The following CPVL variants were observed in gnomAD, a reference collection of about 807,000 sequenced individuals.
The protein encoded by CPVL is probable serine carboxypeptidase CPVL.
Under a neutral mutation model 63.7 loss-of-function variants are expected in CPVL, and 51 were observed. That is an observed-to-expected ratio of 0.80 (90% CI 0.64 to 1.01). The LOEUF (loss-of-function observed/expected upper bound fraction) is 1.01, where lower values mean the gene tolerates loss of function less well. Among genes scored for constraint, CPVL ranks in the 50% least tolerant of loss-of-function variants. The pLI, the probability that CPVL is intolerant of heterozygous loss-of-function variation, is 0.00. For missense variants in CPVL, 530 were observed against 573.1 expected (o/e 0.92, Z 0.77); for synonymous variants, 195 against 206.0 (o/e 0.95, Z 0.46).
chr7:29,019,890 C>G (rs1786786887), intron 12 of CPVL, among the ~76,000 whole-genome samples: 1 of 152,224 alleles, frequency 6.6e-6, no homozygotes, highest in Non-Finnish European at 1.5e-5. Flanking sequence ...AGATCCCTTG[C>G]TGCGTGGTAA....
intron 11 of CPVL, among the ~76,000 whole-genome samples, chr7:29,052,369 C>A (rs1584109039): frequency 7.0e-6 from 1 of 142,012 alleles, no homozygotes; most frequent in Admixed American, 7.2e-5. Context: ...GGATGTTTTC[C>A]AATAACCAAC....
At chr7:29,085,417 G>A (rs527754523) in intron 7 of CPVL, among the ~76,000 whole-genome samples, 1 of 152,306 alleles carries the variant, frequency 6.6e-6, no homozygotes, top group Non-Finnish European at 1.5e-5. Flanking sequence ...AACAATCTGT[G>A]AATCCACAGT....
chr7:29,139,835 GAAAAC>G (rs760591749), intron 1 of CPVL, among the ~76,000 whole-genome samples: 10 of 152,220 alleles, frequency 6.6e-5, no homozygotes, highest in South Asian at 4.2e-4. Context: ...TAGAAGGGGA[GAAAAC>G]AAAACAAAAC....
intron 11 of CPVL, among the ~76,000 whole-genome samples, chr7:29,052,250 C>T (rs907736631): frequency 3.3e-5 from 5 of 151,254 alleles, no homozygotes; most frequent in African/African-American, 1.2e-4. Context: ...AGAACTTACT[C>T]ATGTAACCAA....
intron 12 of CPVL, among the ~76,000 whole-genome samples, chr7:29,015,575 C>G (rs1306355165): frequency 6.6e-6 from 1 of 152,198 alleles, no homozygotes; most frequent in East Asian, 1.9e-4. Context: ...CCTGAGGCCT[C>G]TTCAGAAGGA....
At chr7:29,042,850 A>C (rs1466574668) in intron 11 of CPVL, among the ~76,000 whole-genome samples, 1 of 152,166 alleles carries the variant, frequency 6.6e-6, no homozygotes. Flanking sequence ...AGATGCTCAG[A>C]AGCTCTCAAA....
chr7:29,099,651 G>A (rs971720798), intron 3 of CPVL, among the ~76,000 whole-genome samples: 1 of 152,234 alleles, frequency 6.6e-6, no homozygotes, highest in Non-Finnish European at 1.5e-5. Context: ...GGCAGAGGTT[G>A]CAGTGAGCCG....
intron 11 of CPVL, among the ~76,000 whole-genome samples, chr7:29,043,251 T>TA (rs373698189): frequency 2.0e-4 from 31 of 151,666 alleles, no homozygotes; most frequent in African/African-American, 7.0e-4. Flanking sequence ...TTTTTTTTTT[T>TA]AAAGTCTGTG....
chr7:29,080,527 C>A (rs1259396749), intron 7 of CPVL, among the ~76,000 whole-genome samples: 1 of 145,496 alleles, frequency 6.9e-6, no homozygotes, highest in African/African-American at 2.6e-5. Flanking sequence ...TGCTGCACTC[C>A]AGCTTAGGCA....
At chr7:29,008,221 A>C (rs879127126) in intron 12 of CPVL, among the ~76,000 whole-genome samples, 3 of 152,302 alleles carry the variant, frequency 2.0e-5, no homozygotes, top group Admixed American at 2.0e-4. Context: ...TTAATTGCAA[A>C]GGAGGGAGAG....
intron 5 of CPVL, among the ~76,000 whole-genome samples, chr7:29,093,371 C>T (rs1436978049): frequency 8.4e-6 from 1 of 119,664 alleles, no homozygotes; most frequent in East Asian, 2.7e-4. Context: ...AGCGAGACTC[C>T]GTCTCCAAAA....
At chr7:29,018,432 G>A (rs981773007) in intron 12 of CPVL, among the ~76,000 whole-genome samples, 3 of 143,366 alleles carry the variant, frequency 2.1e-5, no homozygotes, top group Non-Finnish European at 4.5e-5. Context: ...AATCTGGAGT[G>A]CAGTGGCGCG....
chr7:29,063,743 G>C (rs1219476016), intron 11 of CPVL, among the ~76,000 whole-genome samples: 1 of 151,830 alleles, frequency 6.6e-6, no homozygotes, highest in Admixed American at 6.6e-5. Context: ...GCTAGTTTTT[G>C]TATTTTTTAG....
intron 5 of CPVL, among the ~76,000 whole-genome samples, chr7:29,168,946 A>G (rs982625065): frequency 6.6e-6 from 1 of 152,180 alleles, no homozygotes; most frequent in Non-Finnish European, 1.5e-5. Flanking sequence ...ACCCAGCCCA[A>G]TGTGATTCAA....
intron 5 of CPVL, among the ~76,000 whole-genome samples, 191 bp downstream of exon 5, chr7:29,094,893 T>C (rs1049600027): frequency 6.6e-6 from 1 of 151,696 alleles, no homozygotes; most frequent in Non-Finnish European, 1.5e-5. Context: ...GCAAGGAAAA[T>C]TGCCAAACTC....
chr7:29,004,556 G>T (rs1784983342), intron 12 of CPVL, among the ~76,000 whole-genome samples: 1 of 152,210 alleles, frequency 6.6e-6, no homozygotes, highest in Admixed American at 6.5e-5. Context: ...GCAGAGTACA[G>T]GATAATAGGA....
chr7:29,123,610 A>T (rs1584328437), intron 1 of CPVL, among the ~76,000 whole-genome samples: 1 of 93,066 alleles, frequency 1.1e-5, no homozygotes, highest in Non-Finnish European at 2.1e-5. Flanking sequence ...AAAAAAAAAA[A>T]AAAAAAAAAA....
intron 9 of CPVL, among the ~76,000 whole-genome samples, chr7:29,069,770 ATGTGTGTGTGTGTG>A (rs70977102): frequency 0.24 from 31,379 of 132,084 alleles, 3,957 homozygotes; most frequent in Non-Finnish European, 0.29. Flanking sequence ...TCACCAGTAA[ATGTGTGTGTGTGTG>A]TGTGTGTGTG....
At chr7:29,012,722 T>G (rs1369851776) in intron 12 of CPVL, 2 of 152,224 alleles carry the variant, frequency 1.3e-5, no homozygotes, top group African/African-American at 4.8e-5. Context: ...GGAATCAGAA[T>G]GAAAGTTTCT....
Sources: gnomAD v4.1 joint callset for allele counts (sites outside exome capture counted in the v4.1 genomes callset) on GRCh38, gnomAD v4.1.1 for gene constraint, MANE v1.5 for transcripts, NCBI Gene and HGNC (gene_info 2026-07-23, HGNC 2026-07-21) for gene names.